M1AP: variants seen among roughly 807,000 people sequenced by gnomAD.
M1AP encodes the protein meiosis 1 arrest protein.
In M1AP, 39 loss-of-function variants were observed where a neutral mutation model predicts 51.2. That is an observed-to-expected ratio of 0.76 (90% CI 0.59 to 1.00). M1AP has a LOEUF of 1.00. Ranked by LOEUF, M1AP falls within the 50% of genes least tolerant of loss-of-function variation. The probability of loss-of-function intolerance (pLI) is 0.00; values close to 1 mark genes in which losing one functional copy is unlikely to be tolerated. For missense variants in M1AP, 545 were observed against 641.2 expected, an observed-to-expected ratio of 0.85 and a Z score of 1.62; for synonymous variants, 251 against 249.2, an observed-to-expected ratio of 1.01 and a Z score of -0.07.
intron 3 of M1AP, among the ~76,000 whole-genome samples, chr2:74,609,465 G>A (rs1249136719): frequency 6.6e-6 from 1 of 152,198 alleles, no homozygotes; most frequent in Non-Finnish European, 1.5e-5. Context: ...TCCATTGATA[G>A]ACACTCAGGT....
intron 1 of M1AP, among the ~76,000 whole-genome samples, chr2:74,645,269 A>G (rs1277475374): frequency 6.6e-6 from 1 of 152,204 alleles, no homozygotes; most frequent in Non-Finnish European, 1.5e-5. Context: ...ACACATCCGA[A>G]CATCAGAAGG....
intron 4 of M1AP, among the ~76,000 whole-genome samples, chr2:74,591,195 G>A (rs1680019283): frequency 6.6e-6 from 1 of 152,108 alleles, no homozygotes. Context: ...AAAAGCCAGT[G>A]CCATTTCTTT....
At chr2:74,563,696 G>A (rs896348523) in intron 7 of M1AP, among the ~76,000 whole-genome samples, 4 of 151,982 alleles carry the variant, frequency 2.6e-5, no homozygotes, top group African/African-American at 4.8e-5. Flanking sequence ...CCAATCACAG[G>A]ACAAGAAGAG....
rs1558654808 is a variant in M1AP, at chr2:74,576,494, G to A, written c.894C>T (p.Ser298=). ...GDFITLYQMA[S]QSSASHYKLQ... Reference sequence around the variant, plus strand: ...GCTTGTAATGAGAGGCCGATGACTGGGAAGCCATCTGGTAGAGTGTGATGA... The same window carrying A: ...GCTTGTAATGAGAGGCCGATGACTGAGAAGCCATCTGGTAGAGTGTGATGA... The change falls in exon 6 of 11, where the codon TCC becomes TCT. Residue 298 remains serine, a synonymous_variant. Transcript: ENST00000421985. 3 of 1,613,970 alleles carry A rather than the reference G, an allele frequency of 1.9e-6. No individual in the cohort carries two copies. In the Admixed American group the frequency reaches 5.0e-5, roughly 27 times the overall value.
At chr2:74,604,929 G>A (rs1680881650) in intron 4 of M1AP, among the ~76,000 whole-genome samples, 1 of 152,050 alleles carries the variant, frequency 6.6e-6, no homozygotes, top group Non-Finnish European at 1.5e-5. Flanking sequence ...TAAAAGTCTG[G>A]CCAGGCATGG....
At chr2:74,622,832 G>A (rs939542605) in intron 2 of M1AP, among the ~76,000 whole-genome samples, 3 of 151,708 alleles carry the variant, frequency 2.0e-5, no homozygotes, top group African/African-American at 7.3e-5. Flanking sequence ...TGCACGATGA[G>A]AGGGAGATGA....
intron 7 of M1AP, among the ~76,000 whole-genome samples, chr2:74,567,727 A>G (rs1211892529): frequency 6.6e-6 from 1 of 152,262 alleles, no homozygotes; most frequent in African/African-American, 2.4e-5. Context: ...TTAGATATAG[A>G]TCTATAAAAG....
intron 3 of M1AP, among the ~76,000 whole-genome samples, chr2:74,607,742 G>A (rs1453084023): frequency 6.6e-6 from 1 of 152,154 alleles, no homozygotes; most frequent in Non-Finnish European, 1.5e-5. Flanking sequence ...CCAGAGTGCT[G>A]GGATTACAGG....
At chr2:74,591,370 C>A (rs1016219904) in intron 4 of M1AP, among the ~76,000 whole-genome samples, 1 of 152,108 alleles carries the variant, frequency 6.6e-6, no homozygotes, top group African/African-American at 2.4e-5. Context: ...TATTTTTTGA[C>A]GTGAGAAACA....
At chr2:74,565,222 C>CA (rs564862499) in intron 7 of M1AP, among the ~76,000 whole-genome samples, 7,369 of 128,002 alleles carry the variant, frequency 0.058, 309 homozygotes, top group African/African-American at 0.13. Flanking sequence ...GACTCCATCT[C>CA]AAAAAAAAAA....
intron 1 of M1AP, among the ~76,000 whole-genome samples, chr2:74,640,694 G>A (rs182115313): frequency 1.6e-3 from 238 of 152,032 alleles, no homozygotes; most frequent in Middle Eastern, 3.4e-3. Context: ...TTGACCTCAC[G>A]ATCCGCCCGC....
chr2:74,576,859 C>A (rs1161678480), intron 5 of M1AP: 2 of 1,279,030 alleles, frequency 1.6e-6, no homozygotes, highest in Non-Finnish European at 2.0e-6. Flanking sequence ...GTTAACTTAT[C>A]TTCAAGAGTC....
intron 3 of M1AP, among the ~76,000 whole-genome samples, chr2:74,610,354 G>A (rs1445692376): frequency 2.6e-5 from 4 of 151,744 alleles, no homozygotes; most frequent in Admixed American, 2.6e-4. Flanking sequence ...AAAGCTTTTT[G>A]GTTTGATAAA....
intron 4 of M1AP, among the ~76,000 whole-genome samples, chr2:74,590,787 G>C (rs895902398): frequency 2.6e-5 from 4 of 152,166 alleles, no homozygotes; most frequent in Non-Finnish European, 4.4e-5. Flanking sequence ...GTTATTGCAG[G>C]TACGGGAGAG....
chr2:74,562,003 T>G, intron 8 of M1AP: 6 of 985,402 alleles, frequency 6.1e-6, no homozygotes, highest in Non-Finnish European at 7.2e-6. Context: ...CTCATTTCCC[T>G]CCATTCTATT....
At chr2:74,607,297 C>A in intron 3 of M1AP, 74 bp from the exon 4 acceptor site, 1 of 1,450,110 alleles carries the variant, frequency 6.9e-7, no homozygotes. Context: ...AGTTCCTACC[C>A]GGAGGATAAA....
At position 74,562,442 on chromosome 2, in the gene M1AP, G is replaced by A; in HGVS notation, c.1075-19C>T. The A allele has an allele frequency of 6.2e-7, 1 of 1,613,784 alleles. No individual in the cohort carries two copies. Among genetic ancestry groups the A allele is most frequent in the Non-Finnish European group, 8.5e-7 (1 of 1,179,750 alleles). Reference sequence around the variant, plus strand: ...CCCTTTTCTGAAACAAGGACATACAGAAATACTGGTTCATCTTTAGTCTAT... The same window carrying A: ...CCCTTTTCTGAAACAAGGACATACAAAAATACTGGTTCATCTTTAGTCTAT... On this transcript the variant is annotated intron_variant, in intron 7 of 10. Coordinates refer to ENST00000421985, the MANE Select transcript of M1AP (RefSeq NM_001321739.2).
intron 2 of M1AP, among the ~76,000 whole-genome samples, chr2:74,626,788 C>T (rs1247844299): frequency 6.6e-6 from 1 of 152,212 alleles, no homozygotes; most frequent in African/African-American, 2.4e-5. Context: ...TTTCCCAACT[C>T]ATTTTAAATG....
In M1AP at chr2:74,576,452, A is replaced by G. The variant is rs1258819417; in HGVS notation, c.932+4T>C. 4 of 1,613,334 alleles carry G rather than the reference A, an allele frequency of 2.5e-6. No individual in the cohort carries two copies. The highest frequency in any genetic ancestry group is 2.7e-5 in the African/African-American group (2 of 74,912). The stretch of plus-strand genomic sequence containing the variant: ...TGGATTGGGGAGGTTCCCTTGGACC[A>G]TACTTGATCACTTGGAGCTTGTAAT... On this transcript the variant is annotated splice_donor_region_variant and intron_variant, in intron 6 of 10. Coordinates refer to ENST00000421985, the MANE Select transcript of M1AP (RefSeq NM_001321739.2).
Sources: allele counts gnomAD v4.1 joint callset (sites outside exome capture counted in the v4.1 genomes callset), GRCh38; gene constraint gnomAD v4.1.1; transcripts MANE v1.5; gene names NCBI Gene and HGNC (gene_info 2026-07-23, HGNC 2026-07-21).